Variants in BCL7A observed in about 807,000 individuals in gnomAD.
BCL7A encodes BAF chromatin remodeling complex subunit BCL7A, also known as B-cell CLL/lymphoma 7 protein family member A.
A neutral mutation model predicts 28.4 loss-of-function variants in BCL7A; 11 were observed. The observed-to-expected ratio is 0.39, with a 90% CI of 0.24 to 0.64. BCL7A has a LOEUF of 0.64. Ranked by LOEUF, BCL7A falls within the 30% of genes least tolerant of loss-of-function variation. BCL7A has a pLI of 0.50. For synonymous variants in BCL7A, 123 were observed against 103.3 expected, an observed-to-expected ratio of 1.19 and a Z score of -1.15; for missense variants, 222 against 274.8, an observed-to-expected ratio of 0.81 and a Z score of 1.36.
intron 1 of BCL7A, among the ~76,000 whole-genome samples, chr12:122,022,498 G>C (rs1401600499): frequency 1.4e-5 from 2 of 145,610 alleles, no homozygotes; most frequent in Non-Finnish European, 3.1e-5. Context: ...TCGGCTCCCG[G>C]GAGGGGGGCT....
At chr12:122,042,526 G>A (rs538646278) in intron 3 of BCL7A, among the ~76,000 whole-genome samples, 1 of 151,638 alleles carries the variant, frequency 6.6e-6, no homozygotes, top group African/African-American at 2.4e-5. Context: ...ATGGTGGCAG[G>A]CGCCTGTAAT....
intron 1 of BCL7A, 51 bp from the exon 2 acceptor site, chr12:122,030,648 TC>T (rs144694749): frequency 6.6e-7 from 1 of 1,525,678 alleles, no homozygotes; most frequent in East Asian, 2.3e-5. Flanking sequence ...GTGGCCTGTG[TC>T]CCCCAGGGAT....
chr12:122,053,140 C>T (rs759643242), intron 4 of BCL7A, among the ~76,000 whole-genome samples: 4 of 152,114 alleles, frequency 2.6e-5, no homozygotes, highest in Non-Finnish European at 5.9e-5. Flanking sequence ...GGATTACAGG[C>T]GTGCACCACC....
At chr12:122,037,331 A>T (rs1883876416) in intron 3 of BCL7A, among the ~76,000 whole-genome samples, 2 of 152,256 alleles carry the variant, frequency 1.3e-5, no homozygotes, top group Admixed American at 1.3e-4. Context: ...ACAGCCAGGT[A>T]GTAGTAGACA....
chr12:122,048,431 G>A (rs1884120868), intron 4 of BCL7A, among the ~76,000 whole-genome samples: 1 of 152,118 alleles, frequency 6.6e-6, no homozygotes, highest in African/African-American at 2.4e-5. Flanking sequence ...TCTTGGAGGA[G>A]TTGCTGTCTT....
At chr12:122,022,247 A>G (rs530940878) in intron 1 of BCL7A, 64 bp downstream of exon 1, 171 of 1,049,866 alleles carry the variant, frequency 1.6e-4, no homozygotes, top group African/African-American at 1.3e-3. Context: ...GCGGCTCCAG[A>G]GAGCCGCGGG....
At chr12:122,057,690 A>C (rs190645079) in intron 5 of BCL7A, among the ~76,000 whole-genome samples, 2 of 152,294 alleles carry the variant, frequency 1.3e-5, no homozygotes, top group African/African-American at 4.8e-5. Flanking sequence ...GTGATGGATG[A>C]GTGAGTGTTA....
rs1181334009 is a variant in BCL7A, at chr12:122,021,926, GTGTA to G, written c.-162_-159del. On this transcript the variant is annotated 5_prime_UTR_variant, in exon 1 of 6. It removes an upstream start codon present in the reference 5' UTR. Coordinates refer to ENST00000261822, the MANE Select transcript of BCL7A (RefSeq NM_001024808.3). ...CGGCGGCCCCGGGCTTTGTGTGTGT[GTGTA>G]TGTGTGTGTGTGTGTGTGTGTGTGT... The G allele has an allele frequency of 9.0e-3, 3,788 of 421,100 alleles. 45 individuals carry two copies. The highest frequency in any genetic ancestry group is 0.018 in the Middle Eastern group (26 of 1,434). The allele number at this position is 421,100 out of a possible 1,614,324, so 26.1% of individuals were successfully genotyped here.
intron 1 of BCL7A, among the ~76,000 whole-genome samples, chr12:122,024,864 T>G (rs1565933741): frequency 6.6e-6 from 1 of 152,122 alleles, no homozygotes; most frequent in African/African-American, 2.4e-5. Flanking sequence ...GCCGAAGTGT[T>G]TGGCAGATCA....
chr12:122,022,216 C>T (rs1166514708), intron 1 of BCL7A, 33 bp downstream of exon 1: 3 of 1,390,928 alleles, frequency 2.2e-6, no homozygotes, highest in African/African-American at 1.5e-5. Flanking sequence ...AGCCGCCTCC[C>T]CGGCCGCCCC....
intron 5 of BCL7A, among the ~76,000 whole-genome samples, chr12:122,055,258 C>T (rs1383481677): frequency 6.6e-6 from 1 of 152,196 alleles, no homozygotes; most frequent in Non-Finnish European, 1.5e-5. Context: ...ATCCCCAGAT[C>T]GGTGACCTTT....
At chr12:122,044,677 T>G (rs1002101016) in intron 4 of BCL7A, among the ~76,000 whole-genome samples, 1 of 151,814 alleles carries the variant, frequency 6.6e-6, no homozygotes, top group Admixed American at 6.6e-5. Context: ...TGCTTTAAGA[T>G]GAGCTGGGCA....
chr12:122,030,527 AG>A (rs1314500334), intron 1 of BCL7A, among the ~76,000 whole-genome samples, 172 bp from the exon 2 acceptor site: 1 of 152,200 alleles, frequency 6.6e-6, no homozygotes, highest in Non-Finnish European at 1.5e-5. Context: ...TGGAGAAACC[AG>A]GCTTAGATGG....
At position 122,059,405 on chromosome 12, in the gene BCL7A, C is replaced by A; in HGVS notation, c.*242C>A. The stretch of plus-strand genomic sequence containing the variant: ...TCCTTGGGGAGGCAGGCGGGGCTGA[C>A]AGCTCAGGAGTGTCTGCACACTGTC... On this transcript the variant is annotated 3_prime_UTR_variant, in exon 6 of 6. Coordinates refer to ENST00000261822, the MANE Select transcript of BCL7A (RefSeq NM_001024808.3). The surrounding 1 kb of genome is among the most constrained non-coding windows in gnomAD (Gnocchi z 4.0). 1 of 463,240 alleles carries A rather than the reference C, an allele frequency of 2.2e-6. No homozygotes were observed. Among genetic ancestry groups the A allele is most frequent in the Admixed American group, 3.5e-5 (1 of 28,860 alleles). The allele number at this position is 463,240 out of a possible 1,614,324, so 28.7% of individuals were successfully genotyped here. A position where few individuals can be genotyped will look rare whatever the true frequency, so the allele number is the denominator to read the frequency against.
chr12:122,052,783 T>G (rs891616216), intron 4 of BCL7A, among the ~76,000 whole-genome samples: 3 of 147,654 alleles, frequency 2.0e-5, no homozygotes, highest in Non-Finnish European at 4.5e-5. Flanking sequence ...CCTGGGTTTA[T>G]GGGATTCTCC....
intron 1 of BCL7A, among the ~76,000 whole-genome samples, chr12:122,030,140 C>T (rs142102473): frequency 2.6e-5 from 4 of 152,306 alleles, no homozygotes; most frequent in African/African-American, 4.8e-5. Context: ...CCTTTCGGGC[C>T]GAGGTCACCA....
chr12:122,043,678 A>C (rs1884005728), intron 3 of BCL7A, among the ~76,000 whole-genome samples: 1 of 150,950 alleles, frequency 6.6e-6, no homozygotes, highest in Admixed American at 6.6e-5. Context: ...AGGTGGAGGC[A>C]GTGAGCCAAG....
At chr12:122,027,337 G>T (rs1217777558) in intron 1 of BCL7A, among the ~76,000 whole-genome samples, 3 of 152,214 alleles carry the variant, frequency 2.0e-5, no homozygotes, top group Non-Finnish European at 4.4e-5. Flanking sequence ...GTACTGTGCA[G>T]GCCAAACAAA....
chr12:122,043,925 C>G lies in BCL7A; in HGVS notation c.311C>G (p.Pro104Arg). 1 of 1,613,964 alleles carries G rather than the reference C, an allele frequency of 6.2e-7. No individual in the cohort carries two copies. Among genetic ancestry groups the G allele is most frequent in the Non-Finnish European group, 8.5e-7 (1 of 1,180,008 alleles). ...SNQSSIADAS[P>R]IKQENSSNSS... is the part of the protein sequence containing the mutation. The stretch of plus-strand genomic sequence containing the variant: ...CAGAGCTCCATCGCAGATGCCTCCC[C>G]CATCAAACAGGAGAACAGCAGCAAC... Residue 104 changes from proline (P) to arginine (R), a missense_variant, in exon 4 of 6, where the codon CCC (proline) becomes CGC (arginine). Pro to Arg is a moderately radical substitution (Grantham distance 103). Around this residue, in one of 2 missense-constraint regions of BCL7A, gnomAD observed 155 missense variants for 145.7 expected, o/e 1.06. Transcript: ENST00000261822.
Sources: allele counts gnomAD v4.1 joint callset (sites outside exome capture counted in the v4.1 genomes callset), GRCh38; gene constraint gnomAD v4.1.1; regional missense constraint gnomAD v4.1.1; non-coding constraint Gnocchi (gnomAD v3.1); transcripts MANE v1.5; gene names NCBI Gene and HGNC (gene_info 2026-07-23, HGNC 2026-07-21).